APOB: variants seen among roughly 807,000 people sequenced by gnomAD.
APOB encodes apolipoprotein B-100.
Under a neutral mutation model 314.1 loss-of-function variants are expected in APOB, and 153 were observed. The observed-to-expected ratio is 0.49, with a 90% CI of 0.43 to 0.56. The LOEUF (loss-of-function observed/expected upper bound fraction) is 0.56. APOB is among the 20% of genes least tolerant of loss of function. The pLI, the probability that APOB is intolerant of heterozygous loss-of-function variation, is 0.00. For missense variants in APOB, 5,430 were observed against 5,350.7 expected (o/e 1.01, Z -0.46); for synonymous variants, 2,087 against 2,036.4 (o/e 1.02, Z -0.67).
intron 18 of APOB, among the ~76,000 whole-genome samples, chr2:21,021,401 C>T (rs1326410495): frequency 6.6e-6 from 1 of 152,184 alleles, no homozygotes; most frequent in African/African-American, 2.4e-5. Context: ...GTCCAATGGT[C>T]TCTTCGTGTC....
Position 21,007,673 on chromosome 2 carries a change from T to C in APOB, c.9195A>G (p.Thr3065=), listed in dbSNP as rs749791220. The part of the protein sequence containing the change: ...NLKVRFPLRL[T]GKIDFLNNYA... ...AGTTATTCAGGAAGTCTATCTTCCCTGTTAACCTTAATGGAAAACGAACTT... is the reference window on the plus strand; with the variant it reads ...AGTTATTCAGGAAGTCTATCTTCCCCGTTAACCTTAATGGAAAACGAACTT... Residue 3065 remains threonine (T), a synonymous_variant, in exon 26 of 29, where the codon ACA becomes ACG. Coordinates refer to ENST00000233242, the MANE Select transcript of APOB (RefSeq NM_000384.3). 4 of 1,614,028 alleles carry C rather than the reference T, an allele frequency of 2.5e-6. No homozygotes were observed. The African/African-American group carries it at 4.0e-5, about 16-fold the overall frequency.
In APOB at chr2:21,009,160, T is replaced by C; in HGVS notation, c.7708A>G (p.Ile2570Val). 6.2e-7 allele frequency: 1 copy of C among 1,614,088 alleles called. No individual in the cohort carries two copies. The highest frequency in any genetic ancestry group is 8.5e-7 in the Non-Finnish European group (1 of 1,179,956). ...NLTDFAEQYS[I>V]QDWAKRMKAL... is the part of the protein sequence containing the mutation. ...TTCATACGTTTAGCCCAATCTTGGA[T>C]AGAATATTGCTCTGCAAAGTCAGTA... The change falls in exon 26 of 29, where the codon ATC becomes GTC. Residue 2570 changes from isoleucine (I) to valine (V), a missense_variant. Physicochemically the swap from Ile to Val is conservative, Grantham distance 29. Around this residue, in one of 3 missense-constraint regions of APOB, gnomAD observed 3,281 missense variants for 3,171.0 expected, o/e 1.03. Coordinates refer to ENST00000233242, the MANE Select transcript of APOB (RefSeq NM_000384.3).
rs72654422 is a variant in APOB at position 21,002,619 on chromosome 2, A to G, written c.12803T>C (p.Met4268Thr). ...TAAATCTTTCAACAGTTCCCTATAC[A>G]TCGAGATTACATCTATTAGTTTATG... ...RKHKLIDVIS[M>T]YRELLKDLSK... The change falls in exon 29 of 29, where the codon ATG becomes ACG. Residue 4268 changes from methionine to threonine, a missense_variant. By Grantham distance (81) the Met-to-Thr change is moderately conservative. This residue lies in a region of APOB where 3,281 missense variants were observed against 3,171.0 expected (regional missense o/e 1.03). Coordinates refer to ENST00000233242, the MANE Select transcript of APOB (RefSeq NM_000384.3). 3.8e-4 allele frequency: 620 copies of G among 1,614,074 alleles called. 1 individual carries two copies. In the African/African-American group the frequency reaches 7.4e-3, roughly 19 times the overall value.
intron 16 of APOB, chr2:21,024,407 C>T (rs1484452579): frequency 1.2e-5 from 2 of 166,010 alleles, no homozygotes; most frequent in Non-Finnish European, 2.6e-5. Flanking sequence ...CACTTGAGGT[C>T]AGGAGTTCGA....
rs1664045672 is a variant in APOB, at chr2:21,037,961, AAAC to A, written c.531_533del (p.Leu177del). The stretch of plus-strand genomic sequence containing the variant: ...TATCAGCTTTCTAAATCCTCACCAG[AAAC>A]AACACTTGCTTGGCTTCTTCTGTCT... On this transcript the variant is annotated inframe_deletion, in exon 5 of 29. Coordinates refer to ENST00000233242, the MANE Select transcript of APOB (RefSeq NM_000384.3). 6.2e-7 allele frequency: 1 copy of A among 1,614,102 alleles called. No individual in the cohort carries two copies. Among genetic ancestry groups the A allele is most frequent in the African/African-American group, 1.3e-5 (1 of 74,938 alleles).
At chr2:21,038,174 CT>C in intron 4 of APOB, 63 bp from the exon 5 acceptor site, 1 of 1,569,100 alleles carries the variant, frequency 6.4e-7, no homozygotes, top group Non-Finnish European at 8.8e-7. Flanking sequence ...TGGAAGTAAG[CT>C]GGGTGGCACT....
chr2:21,044,010 T>A lies in APOB; in HGVS notation c.-65A>T. The A allele has an allele frequency of 1.1e-6, 1 of 872,850 alleles. No homozygotes were observed. The highest frequency in any genetic ancestry group is 1.5e-6 in the Non-Finnish European group (1 of 667,922). 54.1% of individuals were successfully genotyped at this position (872,850 alleles called of 1,614,324 possible). A position where few individuals can be genotyped will look rare whatever the true frequency, so the allele number is the denominator to read the frequency against. On this transcript the variant is annotated 5_prime_UTR_variant, in exon 1 of 29. Transcript: ENST00000233242. ...CCTCGGCCTCGCGGCCCTGGCTGGC[T>A]GGGCGGGCTCCTCAGCGGCAGCAAC... is the stretch of plus-strand genomic sequence containing the variant.
Position 21,010,110 on chromosome 2 carries a change from T to C in APOB, c.6758A>G (p.Asp2253Gly), listed in dbSNP as rs1373291607. 5 of 1,612,540 alleles carry C rather than the reference T, an allele frequency of 3.1e-6. No individual in the cohort carries two copies. In the East Asian group the frequency reaches 1.1e-4, roughly 36 times the overall value. ...CTGGATTCTGATTTGGTACTTAGTA[T>C]CCACATTTTGAATCCAGGATGCAGT... ...SSTASWIQNV[D>G]TKYQIRIQIQ... The change falls in exon 26 of 29, where the codon GAT becomes GGT. Residue 2253 changes from aspartate (D) to glycine (G), a missense_variant. Physicochemically the swap from Asp to Gly is moderately conservative, Grantham distance 94. Around this residue, in one of 3 missense-constraint regions of APOB, gnomAD observed 3,281 missense variants for 3,171.0 expected, o/e 1.03. Coordinates refer to ENST00000233242, the MANE Select transcript of APOB (RefSeq NM_000384.3).
chr2:21,033,224 C>T, intron 9 of APOB, 75 bp downstream of exon 9: 1 of 1,143,848 alleles, frequency 8.7e-7, no homozygotes, highest in Non-Finnish European at 1.3e-6. Flanking sequence ...CTGAGATTCT[C>T]CATTTGGCCA....
In APOB at chr2:21,015,448, C is replaced by A; in HGVS notation, c.3430G>T (p.Ala1144Ser). 1 of 1,614,138 alleles carries A rather than the reference C, an allele frequency of 6.2e-7. No individual in the cohort carries two copies. Among genetic ancestry groups the A allele is most frequent in the Non-Finnish European group, 8.5e-7 (1 of 1,180,036 alleles). The change falls in exon 22 of 29, where the codon GCC (alanine) becomes TCC (serine). Residue 1144 changes from alanine (A) to serine (S), a missense_variant. By Grantham distance (99) the Ala-to-Ser change is moderately conservative (BLOSUM62 1). This residue lies in a region of APOB where 2,085 missense variants were observed against 2,079.7 expected (regional missense o/e 1.00). Transcript: ENST00000233242. ...RSEILAHWSPAKLLLQMDSSA... is the reference protein window; with the variant it reads ...RSEILAHWSPSKLLLQMDSSA... ...GAGTCCATTTGGAGAAGCAGTTTGG[C>A]AGGCGACCAGTGGGCGAGGATCTCA...
intron 2 of APOB, 81 bp from the exon 3 acceptor site, chr2:21,042,557 T>C (rs930356768): frequency 3.1e-6 from 3 of 957,380 alleles, no homozygotes; most frequent in Admixed American, 3.4e-5. Context: ...AGAGGGGCAG[T>C]GGCATAGAGA....
intron 4 of APOB, among the ~76,000 whole-genome samples, chr2:21,040,021 A>G (rs546247955): frequency 1.3e-5 from 2 of 152,104 alleles, no homozygotes. Flanking sequence ...TGTGGGAGGG[A>G]CCCGGGGGGA....
chr2:21,041,018 C>T lies in APOB; in HGVS notation c.303G>A (p.Glu101=). Residue 101 remains glutamate, a synonymous_variant, in exon 4 of 29, where the codon GAG becomes GAA. Transcript: ENST00000233242. ...TGCCCTCAGGGTTGAAGCCATACAC[C>T]TCTTTCAGGGTGCACTGGCTGGTCT... ...ILKTSQCTLK[E]VYGFNPEGKA... The T allele has an allele frequency of 6.2e-7, 1 of 1,613,742 alleles. No individual in the cohort carries two copies. The highest frequency in any genetic ancestry group is 2.2e-5 in the East Asian group (1 of 44,874).
chr2:21,025,065 T>G lies in APOB; in HGVS notation c.2304A>C (p.Lys768Asn). 2.5e-6 allele frequency: 4 copies of G among 1,614,238 alleles called. No homozygotes were observed. Among genetic ancestry groups the G allele is most frequent in the Non-Finnish European group, 3.4e-6 (4 of 1,180,038 alleles). ...GGTAGGCTCTGGCTTCCGGGACTTC[T>G]TTGGATTTCAAATCTTTAATCAGCT... ...VEKLIKDLKS[K>N]EVPEARAYLR... is the part of the protein sequence containing the mutation. The change falls in exon 16 of 29, where the codon AAA (lysine) becomes AAC (asparagine). Residue 768 changes from lysine to asparagine, a missense_variant. Around this residue, in one of 3 missense-constraint regions of APOB, gnomAD observed 2,085 missense variants for 2,079.7 expected, o/e 1.00. Coordinates refer to ENST00000233242, the MANE Select transcript of APOB (RefSeq NM_000384.3).
At chr2:21,016,704 G>A (rs1663475406) in intron 20 of APOB, 55 bp from the exon 21 acceptor site, 13 of 1,239,806 alleles carry the variant, frequency 1.0e-5, no homozygotes, top group Non-Finnish European at 1.5e-5. Flanking sequence ...TATGTTTTGG[G>A]CCGGGTGCGG....
intron 20 of APOB, among the ~76,000 whole-genome samples, chr2:21,017,800 C>G (rs141742169): frequency 6.6e-6 from 1 of 152,300 alleles, no homozygotes; most frequent in African/African-American, 2.4e-5. Context: ...GTTTACCAAA[C>G]ACTATTTCCC....
chr2:21,001,811 C>T lies in APOB; in HGVS notation c.13611G>A (p.Glu4537=). The T allele has an allele frequency of 6.2e-7, 1 of 1,614,024 alleles. No homozygotes were observed. Among genetic ancestry groups the T allele is most frequent in the South Asian group, 1.1e-5 (1 of 91,084 alleles). ...NYHTFLIYIT[E]LLKKLQSTTV... Reference sequence around the variant, plus strand: ...TGGTTGATTGCAGCTTTTTCAGTAACTCCGTGATGTATATCAGAAATGTGT... The same window carrying T: ...TGGTTGATTGCAGCTTTTTCAGTAATTCCGTGATGTATATCAGAAATGTGT... The change falls in exon 29 of 29, where the codon GAG becomes GAA. Residue 4537 remains glutamate, a synonymous_variant. Coordinates refer to ENST00000233242, the MANE Select transcript of APOB (RefSeq NM_000384.3).
In APOB at chr2:21,011,900, T is replaced by C. The variant is rs753643550; in HGVS notation, c.4968A>G (p.Ala1656=). ...GGAGACTACACTTCAAGTTGGTCGT[T>C]GCACTGGTAGATATTCCATCTTGGC... is the stretch of plus-strand genomic sequence containing the variant. ...RIGQDGISTS[A]TTNLKCSLLV... The change falls in exon 26 of 29, where the codon GCA becomes GCG. Residue 1656 remains alanine (A), a synonymous_variant. Coordinates refer to ENST00000233242, the MANE Select transcript of APOB (RefSeq NM_000384.3). 20 of 1,613,888 alleles carry C rather than the reference T, an allele frequency of 1.2e-5. No individual in the cohort carries two copies. The Admixed American group carries it at 1.7e-4, about 13-fold the overall frequency.
chr2:21,003,970 G>T (rs1663062742), intron 28 of APOB, among the ~76,000 whole-genome samples: 1 of 152,120 alleles, frequency 6.6e-6, no homozygotes, highest in South Asian at 2.1e-4. Context: ...AATATACCCT[G>T]CCTATGGCTG....
Sources: gnomAD v4.1 joint callset for allele counts (sites outside exome capture counted in the v4.1 genomes callset) on GRCh38, gnomAD v4.1.1 for gene constraint, gnomAD v4.1.1 regional missense constraint, MANE v1.5 for transcripts, NCBI Gene and HGNC (gene_info 2026-07-23, HGNC 2026-07-21) for gene names.